Variants in TEX10 observed in about 807,000 individuals in gnomAD.
The protein encoded by TEX10 is testis-expressed protein 10.
A neutral mutation model predicts 104.4 loss-of-function variants in TEX10; 24 were observed. That is an observed-to-expected ratio of 0.23 (90% CI 0.17 to 0.32). The LOEUF (loss-of-function observed/expected upper bound fraction) is 0.32. TEX10 is among the 10% of genes least tolerant of loss of function. The pLI is 1.00. For missense variants in TEX10, 921 were observed against 1,083.9 expected (o/e 0.85, Z 2.11); for synonymous variants, 396 against 393.4 (o/e 1.01, Z -0.08).
intron 11 of TEX10, among the ~76,000 whole-genome samples, chr9:100,315,056 T>A (rs149758832): frequency 6.6e-6 from 1 of 152,340 alleles, no homozygotes; most frequent in East Asian, 1.9e-4. Flanking sequence ...TGTATTTGCA[T>A]CATTTGTAAA....
Position 100,303,652 on chromosome 9 carries a change from G to A in TEX10, c.2656C>T (p.Gln886Ter). ...CTTACCGTGATATTCTTGATGATCT[G>A]CTGCACCAAGATCGCATTGGTCAAC... ...HMLTNAILVQ[Q>*]IIKNITTLKS... Residue 886 changes from glutamine to a stop codon, truncating the protein, a stop_gained, in exon 14 of 15, where the codon CAG becomes TAG. Transcript: ENST00000374902. LOFTEE classifies it high-confidence loss of function. 6.2e-7 allele frequency: 1 copy of A among 1,613,956 alleles called. No individual in the cohort carries two copies. Among genetic ancestry groups the A allele is most frequent in the Non-Finnish European group, 8.5e-7 (1 of 1,180,006 alleles).
rs1834705096 is a variant in TEX10 at position 100,326,360 on chromosome 9, T to C, written c.1921A>G (p.Ile641Val). The part of the protein sequence containing the change: ...DLLSRLSRCC[I>V]MGRLSSSLAA... ...AAACTTGAACTGAGTCTTCCCATAA[T>C]ACAGCAACGACTTAACCGAGAAAGC... The change falls in exon 9 of 15, where the codon ATT becomes GTT. Residue 641 changes from isoleucine (I) to valine (V), a missense_variant. Coordinates refer to ENST00000374902, the MANE Select transcript of TEX10 (RefSeq NM_017746.4). The C allele has an allele frequency of 6.2e-7, 1 of 1,613,918 alleles. No homozygotes were observed. Among genetic ancestry groups the C allele is most frequent in the Non-Finnish European group, 8.5e-7 (1 of 1,179,986 alleles).
intron 5 of TEX10, among the ~76,000 whole-genome samples, chr9:100,339,378 A>T (rs201410380): frequency 2.3e-5 from 2 of 86,662 alleles, no homozygotes; most frequent in Non-Finnish European, 4.2e-5. Context: ...ATATTTATAT[A>T]TATTTATAAA....
At chr9:100,319,296 T>C (rs1052507214) in intron 11 of TEX10, among the ~76,000 whole-genome samples, 1 of 152,194 alleles carries the variant, frequency 6.6e-6, no homozygotes, top group African/African-American at 2.4e-5. Flanking sequence ...TCAAGTTTCA[T>C]TAAGTAGTAC....
At position 100,321,673 on chromosome 9, in the gene TEX10, AT is replaced by A; in HGVS notation, c.2068+9del. 6.2e-7 allele frequency: 1 copy of A among 1,604,552 alleles called. No individual in the cohort carries two copies. Among genetic ancestry groups the A allele is most frequent in the Non-Finnish European group, 8.5e-7 (1 of 1,174,998 alleles). ...TTTTCTTTTTTAATCTGGCAAGTGA[AT>A]GTGGTTACCTGTAAGTGTGGAAAAT... On this transcript the variant is annotated intron_variant, in intron 10 of 14. Transcript: ENST00000374902.
chr9:100,320,525 C>T, intron 10 of TEX10, 127 bp from the exon 11 acceptor site: 1 of 1,033,408 alleles, frequency 9.7e-7, no homozygotes, highest in Non-Finnish European at 1.3e-6. Context: ...TTTCTCTGAG[C>T]TTCTGCATTT....
At chr9:100,341,549 C>G (rs980304418) in intron 4 of TEX10, among the ~76,000 whole-genome samples, 2 of 151,734 alleles carry the variant, frequency 1.3e-5, no homozygotes, top group Non-Finnish European at 2.9e-5. Flanking sequence ...TTATACATAC[C>G]AACAGTCTGG....
In TEX10 at chr9:100,303,639, T is replaced by C; in HGVS notation, c.2669A>G (p.Asn890Ser). The C allele has an allele frequency of 1.1e-5, 17 of 1,614,082 alleles. No homozygotes were observed. Among genetic ancestry groups the C allele is most frequent in the Non-Finnish European group, 1.4e-5 (16 of 1,180,018 alleles). The stretch of plus-strand genomic sequence containing the variant: ...CGGTACCATGCTTCTTACCGTGATA[T>C]TCTTGATGATCTGCTGCACCAAGAT... ...NAILVQQIIKNITTLKSGSVQ... is the reference protein window; with the variant it reads ...NAILVQQIIKSITTLKSGSVQ... Residue 890 changes from asparagine to serine, a missense_variant, in exon 14 of 15, where the codon AAT (asparagine) becomes AGT (serine). Asn to Ser is a conservative substitution (Grantham distance 46, BLOSUM62 1). This residue lies in a region of TEX10 where 753 missense variants were observed against 868.4 expected (regional missense o/e 0.87). Coordinates refer to ENST00000374902, the MANE Select transcript of TEX10 (RefSeq NM_017746.4).
At chr9:100,349,123 A>G (rs1835375318) in intron 2 of TEX10, 61 bp downstream of exon 2, 5 of 1,381,282 alleles carry the variant, frequency 3.6e-6, no homozygotes, top group African/African-American at 2.9e-5. Context: ...TCACAAAAAT[A>G]TAACATTCTA....
At position 100,320,376 on chromosome 9, in the gene TEX10, A is replaced by C; in HGVS notation, c.2091T>G (p.Thr697=). ...GAACTCCTCGAAGGCTCTGAAGCCAAGTCAACTCCTCTTTCGAAAACCCTA... is the reference window on the plus strand; with the variant it reads ...GAACTCCTCGAAGGCTCTGAAGCCACGTCAACTCCTCTTTCGAAAACCCTA... The part of the protein sequence containing the change: ...TLTGFSKEEL[T]WLQSLRGVPH... Residue 697 remains threonine (T), a synonymous_variant, in exon 11 of 15, where the codon ACT becomes ACG. Transcript: ENST00000374902. 2 of 1,611,132 alleles carry C rather than the reference A, an allele frequency of 1.2e-6. No homozygotes were observed. Among genetic ancestry groups the C allele is most frequent in the East Asian group, 2.2e-5 (1 of 44,840 alleles).
At chr9:100,318,463 G>T (rs1489492102) in intron 11 of TEX10, among the ~76,000 whole-genome samples, 1 of 152,134 alleles carries the variant, frequency 6.6e-6, no homozygotes, top group Admixed American at 6.5e-5. Flanking sequence ...GACTCAAAAA[G>T]GTGAATGGGT....
At chr9:100,311,309 C>A (rs6479008) in intron 11 of TEX10, among the ~76,000 whole-genome samples, 69,038 of 151,742 alleles carry the variant, frequency 0.45, 17,378 homozygotes, top group East Asian at 0.89. Flanking sequence ...ACAGGAGGAT[C>A]GCCTGAGCCC....
rs112311747 is a variant in TEX10 at position 100,352,615 on chromosome 9, G to C, written c.-10+157C>G. The C allele has an allele frequency of 7.1e-4, 1,042 of 1,475,172 alleles. 21 individuals carry two copies. The South Asian group carries it at 0.012, about 18-fold the overall frequency. The allele number at this position is 1,475,172 out of a possible 1,614,324, so 91.4% of individuals were successfully genotyped here. ...CCCCGCAGTGCCGGCCGCACACCCA[G>C]GCCCAGCTCGGAGGGACGCCGCGGC... On this transcript the variant is annotated intron_variant, in intron 1 of 14. Transcript: ENST00000374902.
intron 5 of TEX10, among the ~76,000 whole-genome samples, chr9:100,337,011 C>T (rs940165237): frequency 4.6e-5 from 7 of 152,162 alleles, no homozygotes; most frequent in Non-Finnish European, 7.3e-5. Flanking sequence ...CCATTTATAT[C>T]TCAGCACGCT....
chr9:100,303,201 A>T (rs973608797), intron 14 of TEX10, among the ~76,000 whole-genome samples: 1 of 152,230 alleles, frequency 6.6e-6, no homozygotes, highest in Non-Finnish European at 1.5e-5. Flanking sequence ...ATGATCACCA[A>T]AACACAATAA....
At chr9:100,323,748 A>T (rs1284730309) in intron 9 of TEX10, among the ~76,000 whole-genome samples, 1 of 152,180 alleles carries the variant, frequency 6.6e-6, no homozygotes, top group Non-Finnish European at 1.5e-5. Context: ...AAATGCTTTA[A>T]TAGAGACAGC....
In TEX10 at chr9:100,308,597, T is replaced by C. The variant is rs140374128; in HGVS notation, c.2368A>G (p.Ser790Gly). 120 of 1,613,440 alleles carry C rather than the reference T, an allele frequency of 7.4e-5. No homozygotes were observed. In the African/African-American group the frequency reaches 1.3e-3, roughly 18 times the overall value. Residue 790 changes from serine (S) to glycine (G), a missense_variant, in exon 13 of 15, where the codon AGT becomes GGT. Physicochemically the swap from Ser to Gly is moderately conservative, Grantham distance 56. Coordinates refer to ENST00000374902, the MANE Select transcript of TEX10 (RefSeq NM_017746.4). The part of the protein sequence containing the change: ...CKLLDHTCVV[S>G]ETLLPFLASC... ...GCCAGAAATGGCAGTAGAGTCTCACTAACTACACAAGTATGATCCAGGAGC... is the reference window on the plus strand; with the variant it reads ...GCCAGAAATGGCAGTAGAGTCTCACCAACTACACAAGTATGATCCAGGAGC...
intron 6 of TEX10, 79 bp from the exon 7 acceptor site, chr9:100,329,354 G>A (rs1274189465): frequency 1.3e-6 from 2 of 1,523,600 alleles, no homozygotes; most frequent in South Asian, 1.2e-5. Flanking sequence ...ATGCACCGAA[G>A]TACTTTACTT....
chr9:100,321,240 G>T (rs1464977086), intron 10 of TEX10, among the ~76,000 whole-genome samples: 1 of 152,144 alleles, frequency 6.6e-6, no homozygotes, highest in African/African-American at 2.4e-5. Context: ...ATTCAGCATA[G>T]TATTGGATCT....
Sources: gnomAD v4.1 joint callset for allele counts (sites outside exome capture counted in the v4.1 genomes callset) on GRCh38, gnomAD v4.1.1 for gene constraint, gnomAD v4.1.1 regional missense constraint, MANE v1.5 for transcripts, NCBI Gene and HGNC (gene_info 2026-07-23, HGNC 2026-07-21) for gene names.